PDGFC: variants seen among roughly 807,000 people sequenced by gnomAD.
PDGFC encodes the protein platelet-derived growth factor C.
In PDGFC, 12 loss-of-function variants were observed where a neutral mutation model predicts 35.5. The observed-to-expected ratio is 0.34, with a 90% CI of 0.22 to 0.55. The LOEUF (loss-of-function observed/expected upper bound fraction) is 0.55, where lower values mean the gene tolerates loss of function less well. Among genes scored for constraint, PDGFC ranks in the 20% least tolerant of loss-of-function variants. The probability of loss-of-function intolerance (pLI) is 0.91; values close to 1 mark genes in which losing one functional copy is unlikely to be tolerated. For missense variants in PDGFC, 322 were observed against 412.4 expected (o/e 0.78, Z 1.90); for synonymous variants, 159 against 148.8 (o/e 1.07, Z -0.50).
chr4:156,967,897 G>C (rs964450882), intron 1 of PDGFC, among the ~76,000 whole-genome samples: 2 of 152,146 alleles, frequency 1.3e-5, no homozygotes, highest in South Asian at 4.1e-4. Context: ...GTGAGACAGG[G>C]TCAGAAGTAA....
At chr4:156,875,342 T>C (rs75051488) in intron 1 of PDGFC, among the ~76,000 whole-genome samples, 9,323 of 152,206 alleles carry the variant, frequency 0.061, 381 homozygotes, top group Middle Eastern at 0.11. Flanking sequence ...CTTCATTTCA[T>C]ATGATGCTAG....
At chr4:156,864,237 C>T (rs192833132) in intron 1 of PDGFC, among the ~76,000 whole-genome samples, 20 of 152,140 alleles carry the variant, frequency 1.3e-4, no homozygotes, top group Non-Finnish European at 2.2e-4. Flanking sequence ...TTACTGAAGG[C>T]CACTGTGTTA....
At chr4:156,857,444 T>A (rs892664254) in intron 1 of PDGFC, among the ~76,000 whole-genome samples, 5 of 152,056 alleles carry the variant, frequency 3.3e-5, no homozygotes, top group Admixed American at 3.3e-4. Flanking sequence ...TTTGTAGAAA[T>A]TTTACCATTT....
In PDGFC at chr4:156,860,748, T is replaced by C. The variant is rs180733508; in HGVS notation, c.119-10332A>G. Reference sequence around the variant, plus strand: ...TTAAAATATGAAACTATTTAAAATATATGATTTAAACTTAAAGATCTATTA... The same window carrying C: ...TTAAAATATGAAACTATTTAAAATACATGATTTAAACTTAAAGATCTATTA... On this transcript the variant is annotated intron_variant, in intron 1 of 5. Coordinates refer to ENST00000502773, the MANE Select transcript of PDGFC (RefSeq NM_016205.3). Among the ~76,000 whole-genome samples the C allele has an allele frequency of 3.9e-3, 592 of 152,260 alleles. 1 individual carries two copies. Among genetic ancestry groups the C allele is most frequent in the African/African-American group, 0.014 (568 of 41,570 alleles).
intron 3 of PDGFC, chr4:156,773,765 T>A (rs1028747410): frequency 6.6e-6 from 1 of 152,224 alleles, no homozygotes; most frequent in Admixed American, 6.5e-5. Flanking sequence ...ACTCCTCTGC[T>A]CTGCCTGCAG....
intron 1 of PDGFC, among the ~76,000 whole-genome samples, chr4:156,891,296 A>G (rs1037987177): frequency 4.1e-5 from 2 of 48,988 alleles, no homozygotes; most frequent in African/African-American, 4.2e-4. Context: ...AAAAAAAAAA[A>G]AAAAAAAAAA....
In PDGFC at chr4:156,909,017, G is replaced by T. The variant is rs563516187; in HGVS notation, c.119-58601C>A. Among the ~76,000 whole-genome samples, 20 of 152,246 alleles carry T rather than the reference G, an allele frequency of 1.3e-4. No homozygotes were observed. In the East Asian group the frequency reaches 3.3e-3, roughly 25 times the overall value. The stretch of plus-strand genomic sequence containing the variant: ...ATATACAATTTCATGTTTGTAAAAC[G>T]TACAGAATAGGTAATTTCTACAAAG... On this transcript the variant is annotated intron_variant, in intron 1 of 5. Coordinates refer to ENST00000502773, the MANE Select transcript of PDGFC (RefSeq NM_016205.3).
intron 2 of PDGFC, among the ~76,000 whole-genome samples, chr4:156,821,393 A>G (rs902307831): frequency 6.7e-6 from 1 of 148,806 alleles, no homozygotes; most frequent in African/African-American, 2.5e-5. Context: ...TCACATCTGA[A>G]TTTTTTTTTC....
chr4:156,852,097 C>T (rs1266556524), intron 1 of PDGFC, among the ~76,000 whole-genome samples: 1 of 152,014 alleles, frequency 6.6e-6, no homozygotes, highest in Non-Finnish European at 1.5e-5. Context: ...ACATTGAACA[C>T]ATGAAGTGAT....
chr4:156,910,895 T>C lies in PDGFC; in HGVS notation c.118+59891A>G, dbSNP rs139289521. ...ATCCATTTTCGAATTAGGATGTTCA[T>C]GTTTTTACAGTTGAGTTTTGAGAGT... On this transcript the variant is annotated intron_variant, in intron 1 of 5. Transcript: ENST00000502773. 4.5e-3 allele frequency among the ~76,000 whole-genome samples: 690 copies of C among 152,310 alleles called. 1 individual carries two copies. Among genetic ancestry groups the C allele is most frequent in the Middle Eastern group, 0.017 (5 of 294 alleles).
At chr4:156,833,495 A>G (rs1728993425) in intron 2 of PDGFC, among the ~76,000 whole-genome samples, 1 of 152,236 alleles carries the variant, frequency 6.6e-6, no homozygotes, top group African/African-American at 2.4e-5. Context: ...TATGTGCTGT[A>G]AACCACATAC....
intron 1 of PDGFC, among the ~76,000 whole-genome samples, chr4:156,964,245 G>A (rs1011930058): frequency 5.9e-5 from 9 of 151,612 alleles, no homozygotes; most frequent in African/African-American, 1.9e-4. Flanking sequence ...CACCATCACT[G>A]AATAAGCCAA....
chr4:156,856,156 G>T (rs978272979), intron 1 of PDGFC, among the ~76,000 whole-genome samples: 10 of 151,946 alleles, frequency 6.6e-5, no homozygotes, highest in African/African-American at 2.4e-4. Context: ...AGCTAGTGTT[G>T]GTTACCTCCA....
intron 1 of PDGFC, among the ~76,000 whole-genome samples, chr4:156,900,244 G>A (rs1375620458): frequency 6.6e-6 from 1 of 152,084 alleles, no homozygotes; most frequent in Non-Finnish European, 1.5e-5. Flanking sequence ...ATTCCTGAAT[G>A]TCACACCTAA....
chr4:156,855,567 C>T (rs752355368), intron 1 of PDGFC, among the ~76,000 whole-genome samples: 2 of 152,068 alleles, frequency 1.3e-5, no homozygotes, highest in Non-Finnish European at 2.9e-5. Flanking sequence ...GATGTATTTG[C>T]TTGCAAATAT....
intron 3 of PDGFC, among the ~76,000 whole-genome samples, chr4:156,776,424 A>T (rs1326765452): frequency 2.0e-5 from 3 of 152,324 alleles, no homozygotes; most frequent in Non-Finnish European, 4.4e-5. Context: ...ATGGACACAA[A>T]CCGGAAGCAG....
At chr4:156,952,787 A>C (rs2110943210) in intron 1 of PDGFC, among the ~76,000 whole-genome samples, 1 of 152,012 alleles carries the variant, frequency 6.6e-6, no homozygotes, top group Non-Finnish European at 1.5e-5. Context: ...AAACACCCTA[A>C]GTAATCTGTT....
intron 1 of PDGFC, among the ~76,000 whole-genome samples, chr4:156,871,937 T>C (rs997734716): frequency 6.6e-6 from 1 of 151,994 alleles, no homozygotes; most frequent in Non-Finnish European, 1.5e-5. Context: ...CTAAAGGCTA[T>C]TTCTCAAATA....
chr4:156,807,631 T>G (rs1731804360), intron 3 of PDGFC, among the ~76,000 whole-genome samples: 1 of 151,972 alleles, frequency 6.6e-6, no homozygotes, highest in Non-Finnish European at 1.5e-5. Flanking sequence ...TTCTGAAAAT[T>G]TTAACTAATG....
Sources: allele counts gnomAD v4.1 joint callset (sites outside exome capture counted in the v4.1 genomes callset), GRCh38; gene constraint gnomAD v4.1.1; transcripts MANE v1.5; gene names NCBI Gene and HGNC (gene_info 2026-07-23, HGNC 2026-07-21).